Variants in MACO1 observed in about 807,000 individuals in gnomAD.
MACO1 encodes macoilin 1.
MACO1 carries 14 observed loss-of-function variants against 78.7 expected under a neutral mutation model. The observed-to-expected ratio is 0.18, with a 90% CI of 0.12 to 0.28. MACO1 has a LOEUF of 0.28. MACO1 is among the 10% of genes least tolerant of loss of function. The pLI, the probability that MACO1 is intolerant of heterozygous loss-of-function variation, is 1.00. For synonymous variants in MACO1, 288 were observed against 291.6 expected (o/e 0.99, Z 0.12); for missense variants, 501 against 799.0 (o/e 0.63, Z 4.50).
chr1:25,482,143 A>G (rs568857301), intron 6 of MACO1, among the ~76,000 whole-genome samples: 1 of 152,254 alleles, frequency 6.6e-6, no homozygotes, highest in South Asian at 2.1e-4. Context: ...TTCTGTTGGT[A>G]TGTTGAATTA....
intron 6 of MACO1, among the ~76,000 whole-genome samples, chr1:25,474,106 T>C (rs192476302): frequency 2.0e-4 from 31 of 152,290 alleles, no homozygotes; most frequent in African/African-American, 7.5e-4. Context: ...ACCTGACACC[T>C]AGCATTTGGG....
intron 3 of MACO1, among the ~76,000 whole-genome samples, chr1:25,451,399 G>C (rs992305606): frequency 1.3e-5 from 2 of 152,062 alleles, no homozygotes; most frequent in Admixed American, 6.5e-5. Context: ...GCTCAAAAAT[G>C]CTTTCAATGT....
In MACO1 at chr1:25,500,065, C is replaced by T. The variant is rs2043573167; in HGVS notation, c.*1599C>T. Reference sequence around the variant, plus strand: ...AGATTTTCTCTTCTTTGTGCAAAAACATGGAAAATTGTCACTGACTTTGTT... The same window carrying T: ...AGATTTTCTCTTCTTTGTGCAAAAATATGGAAAATTGTCACTGACTTTGTT... On this transcript the variant is annotated 3_prime_UTR_variant, in exon 11 of 11. Transcript: ENST00000374343. 6.6e-6 allele frequency: 1 copy of T among 151,966 alleles called. No homozygotes were observed. The highest frequency in any genetic ancestry group is 2.4e-5 in the African/African-American group (1 of 41,372). The allele number at this position is 151,966 out of a possible 1,614,324, so 9.4% of individuals were successfully genotyped here. A position where few individuals can be genotyped will look rare whatever the true frequency, so the allele number is the denominator to read the frequency against.
intron 3 of MACO1, among the ~76,000 whole-genome samples, chr1:25,453,385 C>G (rs1037873091): frequency 4.0e-5 from 6 of 149,552 alleles, no homozygotes; most frequent in Middle Eastern, 6.9e-3. Context: ...ATTTCTGGGC[C>G]GGGCACGGTG....
intron 6 of MACO1, among the ~76,000 whole-genome samples, chr1:25,480,943 T>A (rs1391324240): frequency 0.051 from 1,397 of 27,572 alleles, 41 homozygotes; most frequent in Non-Finnish European, 0.068. Flanking sequence ...TATATATATA[T>A]ATATATATAT....
chr1:25,492,880 A>T (rs1388903905), intron 10 of MACO1, among the ~76,000 whole-genome samples: 1 of 152,172 alleles, frequency 6.6e-6, no homozygotes, highest in Admixed American at 6.5e-5. Flanking sequence ...TAGTGGAAAG[A>T]GAAGAATATT....
chr1:25,454,398 ATGTATGTG>A lies in MACO1; in HGVS notation c.473+20_473+27del. ...CTGCTCACTGGTAAGTATTACATAA[ATGTATGTG>A]TGTGTGTGTGTATATGTGTGTATGT... is the stretch of plus-strand genomic sequence containing the variant. On this transcript the variant is annotated intron_variant, in intron 4 of 10. Transcript: ENST00000374343. 2 of 1,529,006 alleles carry A rather than the reference ATGTATGTG, an allele frequency of 1.3e-6. No homozygotes were observed. The highest frequency in any genetic ancestry group is 2.5e-5 in the East Asian group (1 of 40,400). 94.7% of individuals were successfully genotyped at this position (1,529,006 alleles called of 1,614,324 possible). A position where few individuals can be genotyped will look rare whatever the true frequency, so the allele number is the denominator to read the frequency against.
intron 1 of MACO1, among the ~76,000 whole-genome samples, chr1:25,433,464 A>G (rs2042893357): frequency 6.6e-6 from 1 of 152,198 alleles, no homozygotes; most frequent in Admixed American, 6.5e-5. Context: ...TTGTTTCTCA[A>G]CAACATGTGG....
At chr1:25,455,445 G>A (rs1363998316) in intron 4 of MACO1, among the ~76,000 whole-genome samples, 1 of 152,072 alleles carries the variant, frequency 6.6e-6, no homozygotes. Context: ...AGTATTTTTA[G>A]TCTTTTTACA....
intron 4 of MACO1, 87 bp downstream of exon 4, chr1:25,454,469 T>TAC (rs1445936596): frequency 0.011 from 1,991 of 174,232 alleles, 64 homozygotes; most frequent in African/African-American, 0.082. Flanking sequence ...TGTGTGTGTG[T>TAC]GTATATATAT....
intron 1 of MACO1, among the ~76,000 whole-genome samples, chr1:25,433,657 A>T (rs1190302452): frequency 6.6e-6 from 1 of 152,176 alleles, no homozygotes; most frequent in Non-Finnish European, 1.5e-5. Context: ...TGAAAAGCGC[A>T]CTGGACTGCA....
chr1:25,446,324 G>A (rs1033984869), intron 1 of MACO1, among the ~76,000 whole-genome samples: 33 of 152,290 alleles, frequency 2.2e-4, no homozygotes, highest in South Asian at 1.5e-3. Flanking sequence ...AAGGATGTGC[G>A]TCAAGAATTT....
In MACO1 at chr1:25,458,649, G is replaced by A. The variant is rs750041527; in HGVS notation, c.911G>A (p.Gly304Glu). 2.1e-5 allele frequency: 34 copies of A among 1,613,946 alleles called. No individual in the cohort carries two copies. Among genetic ancestry groups the A allele is most frequent in the Non-Finnish European group, 2.8e-5 (33 of 1,180,010 alleles). ...AAAAGATTAAATAATGATCTTGTGGGAAGTACAGAAAATCTCTTGAAAGAG... is the reference window on the plus strand; with the variant it reads ...AAAAGATTAAATAATGATCTTGTGGAAAGTACAGAAAATCTCTTGAAAGAG... Reference protein sequence around the residue: ...NSKRLNNDLVGSTENLLKEDS... With the variant: ...NSKRLNNDLVESTENLLKEDS... Residue 304 changes from glycine to glutamate, a missense_variant, in exon 6 of 11, where the codon GGA (glycine) becomes GAA (glutamate). This residue lies in a region of MACO1 where 90 missense variants were observed against 85.7 expected (regional missense o/e 1.05). Coordinates refer to ENST00000374343, the MANE Select transcript of MACO1 (RefSeq NM_018202.6).
At chr1:25,474,025 A>G (rs1422300071) in intron 6 of MACO1, among the ~76,000 whole-genome samples, 1 of 152,230 alleles carries the variant, frequency 6.6e-6, no homozygotes, top group East Asian at 1.9e-4. Flanking sequence ...AGACTCCTAC[A>G]GGAGTGAGTG....
rs772694639 is a variant in MACO1 at position 25,431,088 on chromosome 1, C to A, written c.-11C>A. 1.3e-6 allele frequency: 2 copies of A among 1,581,642 alleles called. No homozygotes were observed. Among genetic ancestry groups the A allele is most frequent in the East Asian group, 2.4e-5 (1 of 42,214 alleles). ...GGCGGCGGCGCGGGCACCCGGCCCC[C>A]CAGCGGGAGGATGAAGCGGCGGAAC... On this transcript the variant is annotated 5_prime_UTR_variant, in exon 1 of 11. Coordinates refer to ENST00000374343, the MANE Select transcript of MACO1 (RefSeq NM_018202.6).
At chr1:25,480,061 GTGAC>G (rs1258688342) in intron 6 of MACO1, among the ~76,000 whole-genome samples, 2 of 152,150 alleles carry the variant, frequency 1.3e-5, no homozygotes, top group African/African-American at 2.4e-5. Context: ...TTTTGATACT[GTGAC>G]TGGGTATCAA....
chr1:25,473,649 G>T (rs1240312996), intron 6 of MACO1, among the ~76,000 whole-genome samples: 1 of 152,198 alleles, frequency 6.6e-6, no homozygotes, highest in Non-Finnish European at 1.5e-5. Context: ...GGCATATAAT[G>T]AATTTAGTTT....
intron 6 of MACO1, among the ~76,000 whole-genome samples, chr1:25,483,000 T>C (rs1376268877): frequency 6.6e-6 from 1 of 152,232 alleles, no homozygotes; most frequent in Non-Finnish European, 1.5e-5. Flanking sequence ...TTGTTCCTAA[T>C]TGTGAAGTTT....
In MACO1 at chr1:25,495,435, C is replaced by T. The variant is rs573238240; in HGVS notation, c.1793-2829C>T. Among the ~76,000 whole-genome samples, 8 of 152,216 alleles carry T rather than the reference C, an allele frequency of 5.3e-5. No individual in the cohort carries two copies. The South Asian group carries it at 1.7e-3, about 32-fold the overall frequency. On this transcript the variant is annotated intron_variant, in intron 10 of 10. Transcript: ENST00000374343. ...TTTTAGGTATTTTATTCATCTGAGG[C>T]TTATCTTGTTCAAAGAGAAGGTGGA... is the stretch of plus-strand genomic sequence containing the variant.
Sources: gnomAD v4.1 joint callset for allele counts (sites outside exome capture counted in the v4.1 genomes callset) on GRCh38, gnomAD v4.1.1 for gene constraint, gnomAD v4.1.1 regional missense constraint, MANE v1.5 for transcripts, NCBI Gene and HGNC (gene_info 2026-07-23, HGNC 2026-07-21) for gene names.